The following SERPINH1 variants were observed in gnomAD, a reference collection of about 807,000 sequenced individuals.
SERPINH1 encodes the protein serpin family H member 1, also known as serpin H1.
Under a neutral mutation model 32.3 loss-of-function variants are expected in SERPINH1, and 22 were observed. The ratio of observed to expected loss-of-function variants is 0.68; its 90% CI spans 0.49 to 0.97. The LOEUF is 0.97. SERPINH1 is among the 50% of genes least tolerant of loss of function. SERPINH1 has a pLI of 0.00. For synonymous variants in SERPINH1, 251 were observed against 245.9 expected, an observed-to-expected ratio of 1.02 and a Z score of -0.19; for missense variants, 543 against 576.4, an observed-to-expected ratio of 0.94 and a Z score of 0.59.
At chr11:75,571,390 G>T (rs1348973293) in intron 4 of SERPINH1, among the ~76,000 whole-genome samples, 2 of 152,182 alleles carry the variant, frequency 1.3e-5, no homozygotes, top group Non-Finnish European at 2.9e-5. Context: ...GGGAGTTTGT[G>T]AAAAGGAATC....
chr11:75,564,112 C>T (rs1942031542), intron 1 of SERPINH1, among the ~76,000 whole-genome samples: 2 of 152,214 alleles, frequency 1.3e-5, no homozygotes, highest in South Asian at 4.1e-4. Flanking sequence ...AAGAAGGCTC[C>T]TGGAGTCCCC....
rs755657867 is a variant in SERPINH1 at position 75,566,622 on chromosome 11, G to T, written c.273G>T (p.Ser91=). ...TGGGCGGCAAGGCGACCACGGCGTC[G>T]CAGGCCAAGGCAGTGCTGAGCGCCG... is the stretch of plus-strand genomic sequence containing the variant. ...VSLGGKATTA[S]QAKAVLSAEQ... The change falls in exon 2 of 5, where the codon TCG becomes TCT. Residue 91 remains serine, a synonymous_variant. Transcript: ENST00000358171. 6.2e-7 allele frequency: 1 copy of T among 1,607,484 alleles called. No individual in the cohort carries two copies. The highest frequency in any genetic ancestry group is 1.7e-5 in the Admixed American group (1 of 59,766).
Position 75,566,921 on chromosome 11 carries a change from A to T in SERPINH1, c.572A>T (p.Asp191Val), listed in dbSNP as rs1221970463. The T allele has an allele frequency of 6.2e-7, 1 of 1,606,338 alleles. No homozygotes were observed. Among genetic ancestry groups the T allele is most frequent in the Admixed American group, 1.7e-5 (1 of 59,990 alleles). Residue 191 changes from aspartate (D) to valine (V), a missense_variant, in exon 2 of 5, where the codon GAC becomes GTC. Around this residue, in one of 3 missense-constraint regions of SERPINH1, gnomAD observed 427 missense variants for 446.4 expected, o/e 0.96. Coordinates refer to ENST00000358171, the MANE Select transcript of SERPINH1 (RefSeq NM_001235.5). ...TDGKLPEVTK[D>V]VERTDGALLV... ...GGCAAGCTGCCCGAGGTCACCAAGG[A>T]CGTGGAGCGCACGGACGGCGCCCTG...
chr11:75,566,079 C>T (rs1027900885), intron 1 of SERPINH1, among the ~76,000 whole-genome samples: 3 of 152,178 alleles, frequency 2.0e-5, no homozygotes, highest in Non-Finnish European at 2.9e-5. Context: ...GTTGGCTGGC[C>T]GATGCAGGAA....
Position 75,569,031 on chromosome 11 carries a change from C to A in SERPINH1, c.814C>A (p.Pro272Thr). ...HKLSSLIILM[P>T]HHVEPLERLE... ...GCTCTCCAGCCTCATCATCCTCATGCCCCATCACGTGGAGCCTCTCGAGCG... is the reference window on the plus strand; with the variant it reads ...GCTCTCCAGCCTCATCATCCTCATGACCCATCACGTGGAGCCTCTCGAGCG... The change falls in exon 4 of 5, where the codon CCC becomes ACC. Residue 272 changes from proline to threonine, a missense_variant. By Grantham distance (38) the Pro-to-Thr change is conservative (BLOSUM62 -1). Coordinates refer to ENST00000358171, the MANE Select transcript of SERPINH1 (RefSeq NM_001235.5). The A allele has an allele frequency of 9.3e-6, 15 of 1,614,162 alleles. No individual in the cohort carries two copies. Among genetic ancestry groups the A allele is most frequent in the Non-Finnish European group, 1.3e-5 (15 of 1,179,988 alleles).
At chr11:75,571,381 G>C (rs1372254422) in intron 4 of SERPINH1, among the ~76,000 whole-genome samples, 1 of 152,200 alleles carries the variant, frequency 6.6e-6, no homozygotes, top group Non-Finnish European at 1.5e-5. Context: ...AAGCACTTGG[G>C]GAGTTTGTGA....
At chr11:75,565,686 G>A (rs1030346515) in intron 1 of SERPINH1, among the ~76,000 whole-genome samples, 7 of 152,210 alleles carry the variant, frequency 4.6e-5, no homozygotes, top group Non-Finnish European at 8.8e-5. Flanking sequence ...CCCATTTAAT[G>A]AGTGACCCAA....
Position 75,562,294 on chromosome 11 carries a change from C to T in SERPINH1, c.-60C>T, listed in dbSNP as rs1417307026. ...CGCGGCTCGAGAGCGAGAGTCACGT[C>T]CCGGCGCTAGCCCAGCCCGACCCAG... On this transcript the variant is annotated 5_prime_UTR_variant, in exon 1 of 5. Coordinates refer to ENST00000358171, the MANE Select transcript of SERPINH1 (RefSeq NM_001235.5). 6.6e-6 allele frequency: 1 copy of T among 152,264 alleles called. No individual in the cohort carries two copies. The highest frequency in any genetic ancestry group is 2.4e-5 in the African/African-American group (1 of 41,428). The allele number at this position is 152,264 out of a possible 1,614,324, so 9.4% of individuals were successfully genotyped here.
rs868134687 is a variant in SERPINH1 at position 75,566,563 on chromosome 11, G to A, written c.214G>A (p.Val72Met). ...AGTGGAGAACATCCTGGTGTCACCC[G>A]TGGTGGTGGCCTCGTCGCTAGGGCT... ...QAVENILVSP[V>M]VVASSLGLVS... The change falls in exon 2 of 5, where the codon GTG becomes ATG. Residue 72 changes from valine (V) to methionine (M), a missense_variant. Physicochemically the swap from Val to Met is conservative, Grantham distance 21. Around this residue, in one of 3 missense-constraint regions of SERPINH1, gnomAD observed 109 missense variants for 102.4 expected, o/e 1.06. Transcript: ENST00000358171. The A allele has an allele frequency of 5.6e-6, 9 of 1,610,356 alleles. No homozygotes were observed. The African/African-American group carries it at 8.0e-5, about 14-fold the overall frequency.
At chr11:75,570,953 C>G (rs1234801441) in intron 4 of SERPINH1, among the ~76,000 whole-genome samples, 1 of 152,038 alleles carries the variant, frequency 6.6e-6, no homozygotes, top group African/African-American at 2.4e-5. Context: ...TTCTGTGAGG[C>G]TGTCTGGAGA....
chr11:75,567,065 C>T (rs902200789), intron 2 of SERPINH1, 94 bp downstream of exon 2: 2 of 1,372,928 alleles, frequency 1.5e-6, no homozygotes, highest in Non-Finnish European at 9.9e-7. Context: ...TCTTCACTGC[C>T]TCTCATTTAT....
In SERPINH1 at chr11:75,568,791, G is replaced by A. The variant is rs759994312; in HGVS notation, c.683G>A (p.Arg228Gln). 26 of 1,613,834 alleles carry A rather than the reference G, an allele frequency of 1.6e-5. No homozygotes were observed. Among genetic ancestry groups the A allele is most frequent in the African/African-American group, 2.7e-5 (2 of 74,870 alleles). Residue 228 changes from arginine (R) to glutamine (Q), a missense_variant, in exon 3 of 5, where the codon CGG becomes CAG. Physicochemically the swap from Arg to Gln is conservative, Grantham distance 43 (BLOSUM62 1). Around this residue, in one of 3 missense-constraint regions of SERPINH1, gnomAD observed 427 missense variants for 446.4 expected, o/e 0.96. Transcript: ENST00000358171. ...MVDNRGFMVT[R>Q]SYTVGVMMMH... ...GACAACCGTGGCTTCATGGTGACTC[G>A]GTCCTATACCGTGGGTGTCATGATG... is the stretch of plus-strand genomic sequence containing the variant.
chr11:75,571,106 T>C (rs1293944361), intron 4 of SERPINH1, among the ~76,000 whole-genome samples: 1 of 152,112 alleles, frequency 6.6e-6, no homozygotes, highest in Non-Finnish European at 1.5e-5. Context: ...TATGTGTGTA[T>C]ATGTGTTTTA....
At position 75,566,656 on chromosome 11, in the gene SERPINH1, C is replaced by T. The variant is rs369290752; in HGVS notation, c.307C>T (p.Arg103Cys). 5.0e-6 allele frequency: 8 copies of T among 1,607,410 alleles called. No individual in the cohort carries two copies. In the Admixed American group the frequency reaches 6.7e-5, roughly 14 times the overall value. Residue 103 changes from arginine to cysteine, a missense_variant, in exon 2 of 5, where the codon CGC becomes TGC. Arg to Cys is a radical substitution (Grantham distance 180, BLOSUM62 -3). This residue lies in a region of SERPINH1 where 427 missense variants were observed against 446.4 expected (regional missense o/e 0.96). Transcript: ENST00000358171. ...GGCAGTGCTGAGCGCCGAGCAGCTGCGCGACGAGGAGGTGCACGCCGGCCT... is the reference window on the plus strand; with the variant it reads ...GGCAGTGCTGAGCGCCGAGCAGCTGTGCGACGAGGAGGTGCACGCCGGCCT... ...AKAVLSAEQL[R>C]DEEVHAGLGE...
chr11:75,566,904 GC>G lies in SERPINH1; in HGVS notation c.558del (p.Glu187ArgfsTer14). 6.2e-7 allele frequency: 1 copy of G among 1,608,234 alleles called. No individual in the cohort carries two copies. On this transcript the variant is annotated frameshift_variant, in exon 2 of 5. Coordinates refer to ENST00000358171, the MANE Select transcript of SERPINH1 (RefSeq NM_001235.5). LOFTEE classifies it high-confidence loss of function. The part of the protein sequence containing the change: ...WAAQTTDGKL[P>X]EVTKDVERTD... ...CCGCGCAGACCACCGACGGCAAGCT[GC>G]CCGAGGTCACCAAGGACGTGGAGCG...
rs753951992 is a variant in SERPINH1, at chr11:75,567,005, T to TCCC, written c.622+36_622+37insCCC. The TCCC allele has an allele frequency of 5.6e-3, 8,848 of 1,588,334 alleles. 24 individuals are homozygous for TCCC. The highest frequency in any genetic ancestry group is 7.0e-3 in the Non-Finnish European group (8,165 of 1,172,214). On this transcript the variant is annotated intron_variant, in intron 2 of 4. Coordinates refer to ENST00000358171, the MANE Select transcript of SERPINH1 (RefSeq NM_001235.5). ...GGGGCGCGTTCAGGGGTCCTCCTCC[T>TCCC]CCTCCCAGGACCCCCTGCAAGAGTT... is the stretch of plus-strand genomic sequence containing the variant.
chr11:75,569,756 C>T (rs546271668), intron 4 of SERPINH1, among the ~76,000 whole-genome samples: 11 of 152,230 alleles, frequency 7.2e-5, no homozygotes, highest in South Asian at 4.1e-4. Flanking sequence ...ATCCTCAAAA[C>T]GACTTTATTA....
chr11:75,568,887 TG>T, intron 3 of SERPINH1, 51 bp from the exon 4 acceptor site: 1 of 1,605,148 alleles, frequency 6.2e-7, no homozygotes, highest in South Asian at 1.1e-5. Context: ...GTAGTTGGTC[TG>T]ACCCACCCCT....
chr11:75,566,993 G>C (rs905650812), intron 2 of SERPINH1, 22 bp downstream of exon 2: 1 of 1,562,564 alleles, frequency 6.4e-7, no homozygotes, highest in African/African-American at 1.4e-5. Flanking sequence ...GCGCGTTCAG[G>C]GGTCCTCCTC....
Sources: allele counts gnomAD v4.1 joint callset (sites outside exome capture counted in the v4.1 genomes callset), GRCh38; gene constraint gnomAD v4.1.1; regional missense constraint gnomAD v4.1.1; transcripts MANE v1.5; gene names NCBI Gene and HGNC (gene_info 2026-07-23, HGNC 2026-07-21).